The following PCSK5 variants were observed in gnomAD, a reference collection of about 807,000 sequenced individuals.
PCSK5 encodes proprotein convertase subtilisin/kexin type 5.
A neutral mutation model predicts 233.2 loss-of-function variants in PCSK5; 129 were observed. That is an observed-to-expected ratio of 0.55 (90% CI 0.48 to 0.64). The LOEUF (loss-of-function observed/expected upper bound fraction) is 0.64. Among genes scored for constraint, PCSK5 ranks in the 30% least tolerant of loss-of-function variants. The probability of loss-of-function intolerance (pLI) is 0.00; values close to 1 mark genes in which losing one functional copy is unlikely to be tolerated. For synonymous variants in PCSK5, 825 were observed against 879.2 expected (o/e 0.94, Z 1.09); for missense variants, 2,076 against 2,430.1 (o/e 0.85, Z 3.06).
At chr9:75,980,760 TCTCACCAG>T (rs1563952634) in intron 2 of PCSK5, among the ~76,000 whole-genome samples, 5 of 150,336 alleles carry the variant, frequency 3.3e-5, no homozygotes, top group Non-Finnish European at 4.4e-5. Flanking sequence ...TTTTTTTTTT[TCTCACCAG>T]TTAGCTTTGA....
intron 13 of PCSK5, among the ~76,000 whole-genome samples, chr9:76,170,257 A>G (rs1232918937): frequency 3.0e-5 from 4 of 134,898 alleles, no homozygotes; most frequent in Non-Finnish European, 6.3e-5. Context: ...CAGTTTAGGC[A>G]AGACATTGAG....
intron 36 of PCSK5, among the ~76,000 whole-genome samples, chr9:76,353,563 G>A (rs1270092607): frequency 6.6e-6 from 1 of 152,182 alleles, no homozygotes; most frequent in East Asian, 1.9e-4. Context: ...TGGAAAGAGG[G>A]GTCATCGCCA....
chr9:75,945,350 C>A (rs1382978120), intron 2 of PCSK5, among the ~76,000 whole-genome samples: 1 of 152,086 alleles, frequency 6.6e-6, no homozygotes, highest in Non-Finnish European at 1.5e-5. Flanking sequence ...TTGATTCTCT[C>A]CCTTTCCCTC....
At chr9:76,264,965 A>G (rs1280096004) in intron 24 of PCSK5, among the ~76,000 whole-genome samples, 1 of 152,222 alleles carries the variant, frequency 6.6e-6, no homozygotes, top group African/African-American at 2.4e-5. Flanking sequence ...TCACATGTTT[A>G]TCACAGCACT....
chr9:76,285,119 T>G (rs1587835161), intron 24 of PCSK5, among the ~76,000 whole-genome samples: 1 of 152,142 alleles, frequency 6.6e-6, no homozygotes, highest in African/African-American at 2.4e-5. Context: ...TGCTGGAAGT[T>G]CTATGAAGTA....
intron 31 of PCSK5, 32 bp from the exon 32 acceptor site, chr9:76,323,020 G>A (rs769051903): frequency 1.8e-5 from 22 of 1,229,480 alleles, no homozygotes; most frequent in South Asian, 3.8e-5. Flanking sequence ...CCTACCCCCC[G>A]GGGATAACTT....
intron 8 of PCSK5, among the ~76,000 whole-genome samples, chr9:76,102,329 G>T (rs1057026150): frequency 5.9e-5 from 9 of 152,016 alleles, no homozygotes; most frequent in Non-Finnish European, 8.8e-5. Context: ...CAGTGTTCCT[G>T]TGGGTTTATA....
intron 3 of PCSK5, among the ~76,000 whole-genome samples, chr9:76,001,935 C>A (rs1022465861): frequency 1.3e-5 from 2 of 152,124 alleles, no homozygotes; most frequent in Non-Finnish European, 2.9e-5. Context: ...GCATTAAATT[C>A]GTTCTATCCT....
chr9:76,153,343 A>C (rs1471989869), intron 10 of PCSK5, among the ~76,000 whole-genome samples: 2 of 152,200 alleles, frequency 1.3e-5, no homozygotes. Flanking sequence ...ATTTTAACTA[A>C]GATTAAAACT....
chr9:76,246,832 T>C (rs1226464134), intron 24 of PCSK5, among the ~76,000 whole-genome samples: 2 of 152,236 alleles, frequency 1.3e-5, no homozygotes, highest in African/African-American at 4.8e-5. Context: ...GTACACATAG[T>C]ATGCTACTAT....
chr9:75,940,573 AT>A (rs1824255645), intron 2 of PCSK5, among the ~76,000 whole-genome samples: 1 of 152,254 alleles, frequency 6.6e-6, no homozygotes, highest in South Asian at 2.1e-4. Context: ...TTTCCTACTC[AT>A]TCAGGCTGGT....
chr9:76,179,490 C>T, intron 14 of PCSK5, 106 bp from the exon 15 acceptor site: 5 of 700,742 alleles, frequency 7.1e-6, no homozygotes, highest in Non-Finnish European at 1.2e-5. Flanking sequence ...TAAAGAAACT[C>T]TCTGCATAAG....
chr9:75,980,282 A>C (rs1587452950), intron 2 of PCSK5, among the ~76,000 whole-genome samples: 1 of 152,228 alleles, frequency 6.6e-6, no homozygotes, highest in East Asian at 1.9e-4. Context: ...TGGCTTCCTT[A>C]GAGAAAGCCA....
intron 20 of PCSK5, among the ~76,000 whole-genome samples, chr9:76,220,719 A>G (rs1433846002): frequency 6.6e-6 from 1 of 152,132 alleles, no homozygotes; most frequent in Admixed American, 6.5e-5. Context: ...GAATGGCTAA[A>G]TTAAGTTAAT....
intron 3 of PCSK5, among the ~76,000 whole-genome samples, chr9:76,007,367 A>G (rs542729176): frequency 6.6e-6 from 1 of 152,268 alleles, no homozygotes; most frequent in South Asian, 2.1e-4. Flanking sequence ...CTTTGTTGTT[A>G]CAGAACATTG....
In PCSK5 at chr9:76,358,861, TG is replaced by T. The variant is rs1370887332; in HGVS notation, c.5605del (p.Asp1869MetfsTer5). 2 of 1,612,778 alleles carry T rather than the reference TG, an allele frequency of 1.2e-6. No individual in the cohort carries two copies. The highest frequency in any genetic ancestry group is 1.7e-6 in the Non-Finnish European group (2 of 1,179,898). ...TACCGGAAATTTAAATATGGGCTGC[TG>T]GATGACGATGACATAGATGAGCTGG... Reference protein sequence around the residue: ...TVYRKFKYGLLDDDDIDELEY... With the variant: ...TVYRKFKYGLXDDDDIDELEY... On this transcript the variant is annotated frameshift_variant, in exon 38 of 38. Transcript: ENST00000674117. LOFTEE classifies it high-confidence loss of function.
At chr9:76,277,648 G>A (rs1236497820) in intron 24 of PCSK5, among the ~76,000 whole-genome samples, 1 of 152,134 alleles carries the variant, frequency 6.6e-6, no homozygotes, top group East Asian at 1.9e-4. Context: ...GCACCGATGA[G>A]GACAACATGA....
intron 21 of PCSK5, 148 bp from the exon 22 acceptor site, chr9:76,233,312 T>C: frequency 1.3e-6 from 1 of 748,038 alleles, no homozygotes; most frequent in Non-Finnish European, 2.2e-6. Context: ...TTTCACATGT[T>C]CTAAGATGAT....
At chr9:76,137,463 A>AAATAAT (rs36040188) in intron 10 of PCSK5, among the ~76,000 whole-genome samples, 6 of 151,800 alleles carry the variant, frequency 4.0e-5, no homozygotes, top group Non-Finnish European at 7.4e-5. Flanking sequence ...GCTGTTTCTT[A>AAATAAT]AATAATAATA....
Sources: gnomAD v4.1 joint callset for allele counts (sites outside exome capture counted in the v4.1 genomes callset) on GRCh38, gnomAD v4.1.1 for gene constraint, MANE v1.5 for transcripts, NCBI Gene and HGNC (gene_info 2026-07-23, HGNC 2026-07-21) for gene names.